The following NCOA1 variants were observed in gnomAD, a reference collection of about 807,000 sequenced individuals.
NCOA1 encodes the protein nuclear receptor coactivator 1, also known as Hin-2 protein.
NCOA1 carries 35 observed loss-of-function variants against 150.9 expected under a neutral mutation model. The ratio of observed to expected loss-of-function variants is 0.23; its 90% CI spans 0.18 to 0.31. The LOEUF is 0.31. Among genes scored for constraint, NCOA1 ranks in the 10% least tolerant of loss-of-function variants. NCOA1 has a pLI of 1.00. For missense variants in NCOA1, 1,491 were observed against 1,749.3 expected (o/e 0.85, Z 2.63); for synonymous variants, 590 against 630.0 (o/e 0.94, Z 0.95).
At chr2:24,690,651 CA>C (rs70947837) in intron 8 of NCOA1, among the ~76,000 whole-genome samples, 266 of 38,408 alleles carry the variant, frequency 6.9e-3, no homozygotes, top group African/African-American at 0.024. Context: ...GATTCCATCT[CA>C]AAAAAAAAAA....
intron 1 of NCOA1, among the ~76,000 whole-genome samples, chr2:24,494,889 G>A (rs1572343873): frequency 6.6e-6 from 1 of 152,138 alleles, no homozygotes; most frequent in East Asian, 1.9e-4. Flanking sequence ...TAGTTTAGCC[G>A]TTGGTGATTG....
intron 1 of NCOA1, among the ~76,000 whole-genome samples, chr2:24,534,131 G>T (rs1182193995): frequency 6.6e-6 from 1 of 152,052 alleles, no homozygotes; most frequent in Non-Finnish European, 1.5e-5. Flanking sequence ...GCCTGTTATT[G>T]GTCTATTCAG....
chr2:24,744,275 A>G (rs1663772439), intron 19 of NCOA1, among the ~76,000 whole-genome samples: 1 of 152,236 alleles, frequency 6.6e-6, no homozygotes. Context: ...TTTGCTTTTT[A>G]TAAAGTCAGC....
At chr2:24,502,769 A>C (rs559032162) in intron 1 of NCOA1, among the ~76,000 whole-genome samples, 28 of 152,148 alleles carry the variant, frequency 1.8e-4, no homozygotes, top group Non-Finnish European at 2.1e-4. Flanking sequence ...CCCTTAATCT[A>C]GTCTATGCTT....
chr2:24,756,326 A>G (rs1157865686), intron 20 of NCOA1, among the ~76,000 whole-genome samples: 1 of 152,216 alleles, frequency 6.6e-6, no homozygotes, highest in Non-Finnish European at 1.5e-5. Context: ...TCACTGCCCC[A>G]TAAGCATACA....
At chr2:24,577,931 A>G (rs576707690) in intron 2 of NCOA1, among the ~76,000 whole-genome samples, 4 of 152,210 alleles carry the variant, frequency 2.6e-5, no homozygotes, top group African/African-American at 7.2e-5. Flanking sequence ...TTAAAATTCA[A>G]CCTTATCTGA....
chr2:24,516,927 C>T (rs1664199178), intron 1 of NCOA1, among the ~76,000 whole-genome samples: 2 of 42,112 alleles, frequency 4.7e-5, no homozygotes, highest in Non-Finnish European at 6.9e-5. Flanking sequence ...TGTGTGCGCG[C>T]GTGTGTATAT....
chr2:24,622,872 C>T (rs773623628), intron 3 of NCOA1, among the ~76,000 whole-genome samples: 7 of 152,110 alleles, frequency 4.6e-5, no homozygotes, highest in Non-Finnish European at 1.0e-4. Flanking sequence ...ATAAAAGATA[C>T]TCAATAGATT....
chr2:24,682,681 G>T (rs17046462), intron 7 of NCOA1, among the ~76,000 whole-genome samples: 6,579 of 152,116 alleles, frequency 0.043, 240 homozygotes, highest in East Asian at 0.19. Context: ...TTAGGTAGGG[G>T]TCTGTACCTT....
At chr2:24,726,746 C>A (rs766475732) in intron 15 of NCOA1, 40 bp downstream of exon 15, 1 of 1,281,644 alleles carries the variant, frequency 7.8e-7, no homozygotes, top group Non-Finnish European at 1.1e-6. Context: ...TATCAGATAC[C>A]AACTTCTAAA....
At chr2:24,570,270 T>C (rs1210679542) in intron 2 of NCOA1, among the ~76,000 whole-genome samples, 2 of 152,184 alleles carry the variant, frequency 1.3e-5, no homozygotes, top group Non-Finnish European at 2.9e-5. Flanking sequence ...TCAATCTGAT[T>C]CCAGATGTGG....
chr2:24,611,210 G>C (rs1668607865), intron 3 of NCOA1, among the ~76,000 whole-genome samples: 1 of 152,122 alleles, frequency 6.6e-6, no homozygotes, highest in East Asian at 1.9e-4. Flanking sequence ...GCAGTATTTG[G>C]TTTTCTGTTC....
At chr2:24,628,815 A>C (rs901207320) in intron 3 of NCOA1, among the ~76,000 whole-genome samples, 5 of 152,194 alleles carry the variant, frequency 3.3e-5, no homozygotes, top group Non-Finnish European at 7.4e-5. Flanking sequence ...ATTGGGGAAT[A>C]GGAGAAACTT....
chr2:24,673,817 A>G (rs1671785944), intron 7 of NCOA1, among the ~76,000 whole-genome samples: 1 of 152,254 alleles, frequency 6.6e-6, no homozygotes, highest in South Asian at 2.1e-4. Context: ...ATACCATAGA[A>G]TTTTACTTTT....
At chr2:24,551,305 T>C (rs1256536040) in intron 1 of NCOA1, among the ~76,000 whole-genome samples, 2 of 152,194 alleles carry the variant, frequency 1.3e-5, no homozygotes, top group African/African-American at 4.8e-5. Context: ...CCATTATTTT[T>C]ATTGAATTTT....
intron 3 of NCOA1, among the ~76,000 whole-genome samples, chr2:24,629,538 TC>T (rs1669591699): frequency 6.7e-6 from 1 of 148,898 alleles, no homozygotes; most frequent in Non-Finnish European, 1.5e-5. Flanking sequence ...ATTTATATCT[TC>T]CTAGAAACAA....
intron 1 of NCOA1, among the ~76,000 whole-genome samples, chr2:24,554,828 G>T (rs1011380792): frequency 6.6e-6 from 1 of 152,132 alleles, no homozygotes; most frequent in Non-Finnish European, 1.5e-5. Flanking sequence ...TTACTGATTT[G>T]ATTTGGCTCT....
chr2:24,726,800 A>G, intron 15 of NCOA1, 94 bp downstream of exon 15: 12 of 547,030 alleles, frequency 2.2e-5, no homozygotes, highest in Non-Finnish European at 3.0e-5. Context: ...CTACAGTGGT[A>G]TTTTGTGAGA....
At position 24,711,052 on chromosome 2, in the gene NCOA1, C is replaced by T. The variant is rs1673723576; in HGVS notation, c.2540C>T (p.Ser847Leu). The T allele has an allele frequency of 3.1e-6, 5 of 1,614,006 alleles. No individual in the cohort carries two copies. Among genetic ancestry groups the T allele is most frequent in the Non-Finnish European group, 4.2e-6 (5 of 1,180,030 alleles). ...GCGGTCACCAGTGTAACCATCAAAT[C>T]GGAGATCCTGCCAGCTTCACTTCAG... The part of the protein sequence containing the change: ...DGAVTSVTIK[S>L]EILPASLQSA... Residue 847 changes from serine (S) to leucine (L), a missense_variant, in exon 14 of 23, where the codon TCG becomes TTG. Around this residue, in one of 8 missense-constraint regions of NCOA1, gnomAD observed 703 missense variants for 717.7 expected, o/e 0.98. Coordinates refer to ENST00000348332, the MANE Select transcript of NCOA1 (RefSeq NM_003743.5).
Sources: gnomAD v4.1 joint callset for allele counts (sites outside exome capture counted in the v4.1 genomes callset) on GRCh38, gnomAD v4.1.1 for gene constraint, gnomAD v4.1.1 regional missense constraint, MANE v1.5 for transcripts, NCBI Gene and HGNC (gene_info 2026-07-23, HGNC 2026-07-21) for gene names.